The following DOCK3 variants were observed in gnomAD, a reference collection of about 807,000 sequenced individuals.
DOCK3 encodes the protein dedicator of cytokinesis 3.
A neutral mutation model predicts 265.6 loss-of-function variants in DOCK3; 60 were observed. The ratio of observed to expected loss-of-function variants is 0.23; its 90% CI spans 0.18 to 0.28. DOCK3 has a LOEUF of 0.28. Ranked by LOEUF, DOCK3 falls within the 10% of genes least tolerant of loss-of-function variation. The pLI, the probability that DOCK3 is intolerant of heterozygous loss-of-function variation, is 1.00. For missense variants in DOCK3, 1,981 were observed against 2,594.3 expected (o/e 0.76, Z 5.14); for synonymous variants, 881 against 938.0 (o/e 0.94, Z 1.11).
intron 5 of DOCK3, among the ~76,000 whole-genome samples, chr3:51,056,043 A>G (rs1027132852): frequency 2.0e-5 from 3 of 152,214 alleles, no homozygotes; most frequent in African/African-American, 7.2e-5. Context: ...ATTAATGAAG[A>G]GAAAAAGAAT....
At chr3:51,278,651 G>A in intron 26 of DOCK3, 1 of 738,320 alleles carries the variant, frequency 1.4e-6, no homozygotes, top group Non-Finnish European at 1.7e-6. Flanking sequence ...GGCATTTCCT[G>A]GTAACCCAGC....
intron 12 of DOCK3, among the ~76,000 whole-genome samples, chr3:51,165,279 G>A (rs115324631): frequency 0.02 from 3,059 of 152,204 alleles, 99 homozygotes; most frequent in African/African-American, 0.068. Flanking sequence ...GGCCCATTGG[G>A]CCATCCTCTT....
chr3:50,703,015 C>T (rs571626652), intron 1 of DOCK3, among the ~76,000 whole-genome samples: 6 of 152,184 alleles, frequency 3.9e-5, no homozygotes, highest in Admixed American at 1.3e-4. Context: ...AGTTTTATTC[C>T]TTCTATGCCT....
chr3:51,068,652 G>A lies in DOCK3; in HGVS notation c.464+4056G>A, dbSNP rs139123473. Among the ~76,000 whole-genome samples, 276 of 151,698 alleles carry A rather than the reference G, an allele frequency of 1.8e-3. 1 individual carries two copies. The highest frequency in any genetic ancestry group is 5.9e-3 in the African/African-American group (245 of 41,408). ...TAGGCTCAAAGGCACTTTTCCCAGCGTTGTATGGTGGAAGGGTAGAGCTGG... is the reference window on the plus strand; with the variant it reads ...TAGGCTCAAAGGCACTTTTCCCAGCATTGTATGGTGGAAGGGTAGAGCTGG... On this transcript the variant is annotated intron_variant, in intron 6 of 52. Transcript: ENST00000266037.
intron 12 of DOCK3, among the ~76,000 whole-genome samples, chr3:51,161,703 T>C (rs1231599504): frequency 6.6e-6 from 1 of 152,216 alleles, no homozygotes; most frequent in Admixed American, 6.5e-5. Context: ...GAGTCTTGCA[T>C]GTCTAATGCT....
At chr3:50,988,070 A>C (rs2077968040) in intron 5 of DOCK3, among the ~76,000 whole-genome samples, 1 of 152,114 alleles carries the variant, frequency 6.6e-6, no homozygotes, top group Non-Finnish European at 1.5e-5. Context: ...ACCTCACAAG[A>C]CCCACTGGCT....
At chr3:51,221,572 G>T (rs1433528985) in intron 14 of DOCK3, among the ~76,000 whole-genome samples, 1 of 152,180 alleles carries the variant, frequency 6.6e-6, no homozygotes, top group Non-Finnish European at 1.5e-5. Context: ...CCAGTTTTCT[G>T]AGTGCAGCTG....
chr3:50,821,329 TCACTTTGTCGCC>T (rs2044415313), intron 2 of DOCK3, among the ~76,000 whole-genome samples: 1 of 152,024 alleles, frequency 6.6e-6, no homozygotes, highest in Non-Finnish European at 1.5e-5. Flanking sequence ...AGACTGAGTC[TCACTTTGTCGCC>T]CAGGCTGGAG....
intron 5 of DOCK3, among the ~76,000 whole-genome samples, chr3:50,938,145 TATC>T (rs1461498081): frequency 1.3e-5 from 2 of 151,982 alleles, no homozygotes; most frequent in African/African-American, 4.8e-5. Flanking sequence ...ATTATACTAA[TATC>T]AGAAAAATTC....
rs971978864 is a variant in DOCK3, at chr3:51,288,901, T to G, written c.2922+8697T>G. 3.2e-4 allele frequency among the ~76,000 whole-genome samples: 46 copies of G among 143,742 alleles called. 1 individual carries two copies. Among genetic ancestry groups the G allele is most frequent in the Admixed American group, 4.0e-4 (6 of 14,858 alleles). The allele number at this position is 143,742 out of a possible 152,430, so 94.3% of individuals were successfully genotyped here. A position where few individuals can be genotyped will look rare whatever the true frequency, so the allele number is the denominator to read the frequency against. On this transcript the variant is annotated intron_variant, in intron 27 of 52. Coordinates refer to ENST00000266037, the MANE Select transcript of DOCK3 (RefSeq NM_004947.5). ...GTTTGTGTGGGTGTGTGTGTGTGTG[T>G]GGGTGTGTGTGTGTGTGTGTGTGTG...
intron 7 of DOCK3, among the ~76,000 whole-genome samples, chr3:51,084,278 T>C (rs1470257586): frequency 6.6e-6 from 1 of 151,758 alleles, no homozygotes; most frequent in Non-Finnish European, 1.5e-5. Flanking sequence ...ATTTTAAAGG[T>C]ATATATATAT....
intron 3 of DOCK3, among the ~76,000 whole-genome samples, chr3:50,859,058 T>C (rs568735132): frequency 2.6e-5 from 4 of 152,158 alleles, no homozygotes; most frequent in Middle Eastern, 3.4e-3. Context: ...TGTATCACTT[T>C]ATTGTGGTTC....
intron 9 of DOCK3, among the ~76,000 whole-genome samples, chr3:51,119,330 A>G (rs570188224): frequency 1.0e-3 from 159 of 152,278 alleles, no homozygotes; most frequent in Non-Finnish European, 1.3e-3. Context: ...CTACAGAGAG[A>G]TCTGCTGTTA....
chr3:50,698,517 G>GTTTTTTTTTTTTTTTTTTTTTT lies in DOCK3; in HGVS notation c.37+23221_37+23242dup. Among the ~76,000 whole-genome samples the GTTTTTTTTTTTTTTTTTTTTTT allele has an allele frequency of 9.0e-3, 175 of 19,514 alleles. 70 individuals carry two copies. The highest frequency in any genetic ancestry group is 0.014 in the Non-Finnish European group (116 of 8,462). The allele number at this position is 19,514 out of a possible 152,430, so 12.8% of individuals were successfully genotyped here. On this transcript the variant is annotated intron_variant, in intron 1 of 52. Coordinates refer to ENST00000266037, the MANE Select transcript of DOCK3 (RefSeq NM_004947.5). ...GTTTCTCTGTGGATGTATGTTTTTG[G>GTTTTTTTTTTTTTTTTTTTTTT]TTTTTTTTTTTTTTTTTTTTTTTTT... is the stretch of plus-strand genomic sequence containing the variant.
chr3:51,111,021 T>C (rs1335278029), intron 9 of DOCK3, among the ~76,000 whole-genome samples: 1 of 152,138 alleles, frequency 6.6e-6, no homozygotes, highest in Admixed American at 6.5e-5. Flanking sequence ...TCACTAGTAT[T>C]CCTATACCCA....
chr3:50,742,384 G>A (rs1472909327), intron 1 of DOCK3, among the ~76,000 whole-genome samples: 5 of 152,156 alleles, frequency 3.3e-5, no homozygotes, highest in African/African-American at 4.8e-5. Flanking sequence ...GGCTTCAGAC[G>A]ATCAAACTAC....
At chr3:51,312,661 A>G (rs2083147297) in intron 30 of DOCK3, 85 bp downstream of exon 30, 6 of 1,370,002 alleles carry the variant, frequency 4.4e-6, no homozygotes, top group Non-Finnish European at 6.0e-6. Flanking sequence ...GAGGTCCACA[A>G]GGTTCTCAGC....
At chr3:51,129,206 C>A (rs1422153380) in intron 9 of DOCK3, among the ~76,000 whole-genome samples, 1 of 152,244 alleles carries the variant, frequency 6.6e-6, no homozygotes, top group Admixed American at 6.5e-5. Context: ...GCACTACTTG[C>A]AGTTCTGCCC....
chr3:51,235,700 G>A (rs1439964757), intron 19 of DOCK3, among the ~76,000 whole-genome samples: 3 of 152,188 alleles, frequency 2.0e-5, no homozygotes, highest in South Asian at 4.1e-4. Flanking sequence ...AAGGCTGCAA[G>A]TGTCCATCAA....
Sources: allele counts gnomAD v4.1 joint callset (sites outside exome capture counted in the v4.1 genomes callset), GRCh38; gene constraint gnomAD v4.1.1; transcripts MANE v1.5; gene names NCBI Gene and HGNC (gene_info 2026-07-23, HGNC 2026-07-21).